Variants in EPHB1 observed in about 807,000 individuals in gnomAD.
EPHB1 encodes EPH receptor B1, also known as ephrin type-B receptor 1.
EPHB1 carries 30 observed loss-of-function variants against 94.4 expected under a neutral mutation model. The observed-to-expected ratio is 0.32, with a 90% confidence interval of 0.24 to 0.43. The LOEUF (loss-of-function observed/expected upper bound fraction) is 0.43. Among genes scored for constraint, EPHB1 ranks in the 20% least tolerant of loss-of-function variants. The pLI is 1.00. For missense variants in EPHB1, 1,055 were observed against 1,308.3 expected (o/e 0.81, Z 2.99); for synonymous variants, 522 against 489.1 (o/e 1.07, Z -0.89).
At chr3:135,108,282 C>A (rs1433894523) in intron 4 of EPHB1, among the ~76,000 whole-genome samples, 5 of 152,120 alleles carry the variant, frequency 3.3e-5, no homozygotes, top group Non-Finnish European at 7.4e-5. Context: ...TGTCATTTGA[C>A]AAGGCTATAA....
chr3:135,120,733 G>A (rs1939923634), intron 4 of EPHB1, among the ~76,000 whole-genome samples: 1 of 152,210 alleles, frequency 6.6e-6, no homozygotes, highest in Admixed American at 6.5e-5. Context: ...CTCTTTTACA[G>A]CTGCGTAAGC....
chr3:134,855,665 A>AT (rs11400825), intron 1 of EPHB1, among the ~76,000 whole-genome samples: 123,837 of 152,012 alleles, frequency 0.81, 51,769 homozygotes, highest in East Asian at 0.97. Context: ...CTTCTGATAC[A>AT]TTTTTTCAGT....
chr3:134,882,669 CTTCCTTCCTTCT>C (rs1455758093), intron 1 of EPHB1, among the ~76,000 whole-genome samples: 7 of 151,496 alleles, frequency 4.6e-5, no homozygotes, highest in East Asian at 1.9e-4. Flanking sequence ...TCCTTCCTTC[CTTCCTTCCTTCT>C]TTCCTTCTTC....
At chr3:135,086,146 G>T (rs1576372155) in intron 3 of EPHB1, among the ~76,000 whole-genome samples, 1 of 152,194 alleles carries the variant, frequency 6.6e-6, no homozygotes, top group Admixed American at 6.5e-5. Flanking sequence ...ACAGATATGT[G>T]GGGGGTGGTA....
intron 1 of EPHB1, among the ~76,000 whole-genome samples, chr3:134,844,727 G>A (rs1376519418): frequency 6.6e-6 from 1 of 152,198 alleles, no homozygotes; most frequent in East Asian, 1.9e-4. Flanking sequence ...TCCCGTCTTT[G>A]ATACATAAAT....
chr3:135,114,766 T>C (rs114290159), intron 4 of EPHB1, among the ~76,000 whole-genome samples: 1 of 150,276 alleles, frequency 6.7e-6, no homozygotes, highest in Non-Finnish European at 1.5e-5. Context: ...AATAAATAAA[T>C]AAAACAATAT....
chr3:135,147,228 CT>C (rs1296514743), intron 5 of EPHB1, among the ~76,000 whole-genome samples: 2 of 152,146 alleles, frequency 1.3e-5, no homozygotes. Flanking sequence ...CAGCTATGGT[CT>C]GTGCTATAGA....
intron 4 of EPHB1, among the ~76,000 whole-genome samples, chr3:135,108,975 G>A (rs1017849672): frequency 6.6e-6 from 1 of 152,166 alleles, no homozygotes; most frequent in Non-Finnish European, 1.5e-5. Flanking sequence ...AGTAAGGGGA[G>A]GGGGTCATAT....
chr3:135,259,827 A>G lies in EPHB1; in HGVS notation c.*707A>G. The G allele has an allele frequency of 4.5e-6, 1 of 222,854 alleles. No homozygotes were observed. The highest frequency in any genetic ancestry group is 9.0e-6 in the Non-Finnish European group (1 of 111,134). 13.8% of individuals were successfully genotyped at this position (222,854 alleles called of 1,614,324 possible). On this transcript the variant is annotated 3_prime_UTR_variant, in exon 16 of 16. Transcript: ENST00000398015. Reference sequence around the variant, plus strand: ...CAAATTGGGGAAAAAAAAAGAAGAAAAACCTGTTTCCGTGTGCAAAAGCAC... The same window carrying G: ...CAAATTGGGGAAAAAAAAAGAAGAAGAACCTGTTTCCGTGTGCAAAAGCAC...
intron 4 of EPHB1, among the ~76,000 whole-genome samples, chr3:135,114,795 T>C (rs1387903410): frequency 6.6e-6 from 1 of 151,806 alleles, no homozygotes; most frequent in African/African-American, 2.4e-5. Context: ...CAGGAATAAT[T>C]CAATAAAAGT....
intron 4 of EPHB1, among the ~76,000 whole-genome samples, chr3:135,122,238 T>A (rs1242830010): frequency 6.6e-6 from 1 of 152,144 alleles, no homozygotes; most frequent in Non-Finnish European, 1.5e-5. Flanking sequence ...ATGATTAGGC[T>A]GAGAGAAGAT....
intron 3 of EPHB1, among the ~76,000 whole-genome samples, chr3:135,021,995 T>G (rs548033731): frequency 4.4e-4 from 67 of 152,296 alleles, no homozygotes; most frequent in African/African-American, 1.5e-3. Flanking sequence ...TGTTTGTTTG[T>G]TTTAGACAGA....
At chr3:135,231,522 C>T (rs1344932063) in intron 12 of EPHB1, among the ~76,000 whole-genome samples, 1 of 152,174 alleles carries the variant, frequency 6.6e-6, no homozygotes, top group East Asian at 1.9e-4. Flanking sequence ...TTACCTTTCG[C>T]AGCATTGCAC....
At chr3:134,796,037 G>A in intron 1 of EPHB1, 1 of 356,320 alleles carries the variant, frequency 2.8e-6, no homozygotes, top group East Asian at 6.7e-5. Flanking sequence ...GCCAGAGCTG[G>A]GCGTTGGGGA....
intron 15 of EPHB1, among the ~76,000 whole-genome samples, chr3:135,255,318 A>G (rs1255125001): frequency 6.6e-6 from 1 of 151,686 alleles, no homozygotes; most frequent in Non-Finnish European, 1.5e-5. Flanking sequence ...TAGGGTGTCA[A>G]TTTTGGATCT....
At chr3:135,218,891 A>G (rs1008908972) in intron 12 of EPHB1, among the ~76,000 whole-genome samples, 1 of 152,256 alleles carries the variant, frequency 6.6e-6, no homozygotes, top group African/African-American at 2.4e-5. Flanking sequence ...CCTGTGTTGA[A>G]GCCCAAGGAC....
At chr3:135,022,128 C>T (rs1936005993) in intron 3 of EPHB1, among the ~76,000 whole-genome samples, 3 of 152,108 alleles carry the variant, frequency 2.0e-5, no homozygotes, top group South Asian at 4.1e-4. Flanking sequence ...TACAGGCGCC[C>T]GCCACCATGC....
At chr3:134,832,735 A>G (rs181977532) in intron 1 of EPHB1, among the ~76,000 whole-genome samples, 1 of 152,368 alleles carries the variant, frequency 6.6e-6, no homozygotes, top group East Asian at 1.9e-4. Context: ...ACTGAGTCTG[A>G]AACTGGCTCT....
intron 1 of EPHB1, among the ~76,000 whole-genome samples, chr3:134,806,868 G>C (rs11711187): frequency 0.049 from 7,503 of 152,226 alleles, 241 homozygotes; most frequent in Middle Eastern, 0.092. Context: ...TTCAGGAAAG[G>C]GCTATAAAGG....
Sources: allele counts gnomAD v4.1 joint callset (sites outside exome capture counted in the v4.1 genomes callset), GRCh38; gene constraint gnomAD v4.1.1; transcripts MANE v1.5; gene names NCBI Gene and HGNC (gene_info 2026-07-23, HGNC 2026-07-21).